Variants in ABCB4 observed in about 807,000 individuals in gnomAD.
ABCB4 encodes phosphatidylcholine translocator ABCB4.
In ABCB4, 76 loss-of-function variants were observed where a neutral mutation model predicts 145.7. That is an observed-to-expected ratio of 0.52 (90% CI 0.43 to 0.63). The LOEUF is 0.63. Among genes scored for constraint, ABCB4 ranks in the 30% least tolerant of loss-of-function variants. ABCB4 has a pLI of 0.00. For missense variants in ABCB4, 1,234 were observed against 1,553.1 expected (o/e 0.79, Z 3.45); for synonymous variants, 517 against 566.8 (o/e 0.91, Z 1.25).
rs763433951 is a variant in ABCB4, at chr7:87,462,768, G to A, written c.276C>T (p.Phe92=). The stretch of plus-strand genomic sequence containing the variant: ...TAAAGAAATGCTTACCTGGAAAGGA[G>A]AAGTTTCCTGCAGTATCAACAAATT... The part of the protein sequence containing the change: ...TDKFVDTAGN[F]SFPVNFSLSL... Residue 92 remains phenylalanine, a synonymous_variant, in exon 4 of 28, where the codon TTC becomes TTT. Coordinates refer to ENST00000649586, the MANE Select transcript of ABCB4 (RefSeq NM_000443.4). 2 of 1,613,960 alleles carry A rather than the reference G, an allele frequency of 1.2e-6. No individual in the cohort carries two copies. Among genetic ancestry groups the A allele is most frequent in the East Asian group, 4.5e-5 (2 of 44,862 alleles).
intron 3 of ABCB4, among the ~76,000 whole-genome samples, 200 bp downstream of exon 3, chr7:87,472,421 A>C (rs969299116): frequency 8.6e-5 from 13 of 152,040 alleles, no homozygotes; most frequent in Admixed American, 1.3e-4. Flanking sequence ...ATGAGATCTC[A>C]CTATGTTGTC....
intron 21 of ABCB4, among the ~76,000 whole-genome samples, chr7:87,416,844 A>G (rs1269452956): frequency 1.3e-5 from 2 of 152,260 alleles, no homozygotes; most frequent in African/African-American, 2.4e-5. Flanking sequence ...CCCAATTGCC[A>G]TTATAGTGAG....
intron 18 of ABCB4, among the ~76,000 whole-genome samples, chr7:87,420,998 C>T (rs766092192): frequency 2.0e-5 from 3 of 152,146 alleles, no homozygotes; most frequent in Non-Finnish European, 4.4e-5. Flanking sequence ...AAACAAGATC[C>T]AAATGAGTAT....
At chr7:87,382,689 G>C in the ABCB4 span, 1 of 743,194 alleles carries the variant, frequency 1.3e-6, no homozygotes, top group Non-Finnish European at 2.1e-6. Flanking sequence ...CATCAATAGA[G>C]TATTAGATTT....
rs748455557 is a variant in ABCB4 at position 87,462,794 on chromosome 7, T to C, written c.250A>G (p.Lys84Glu). 2 of 1,613,916 alleles carry C rather than the reference T, an allele frequency of 1.2e-6. No individual in the cohort carries two copies. The highest frequency in any genetic ancestry group is 1.7e-5 in the Admixed American group (1 of 59,992). Reference sequence around the variant, plus strand: ...AAGTTTCCTGCAGTATCAACAAATTTGTCAGTCATCTCTCCAAATACTATC... The same window carrying C: ...AAGTTTCCTGCAGTATCAACAAATTCGTCAGTCATCTCTCCAAATACTATC... ...MMIVFGEMTD[K>E]FVDTAGNFSF... The change falls in exon 4 of 28, where the codon AAA (lysine) becomes GAA (glutamate). Residue 84 changes from lysine (K) to glutamate (E), a missense_variant. This residue lies in a region of ABCB4 where 467 missense variants were observed against 632.8 expected (regional missense o/e 0.74). Transcript: ENST00000649586.
chr7:87,370,419 A>G, the ABCB4 span, among the ~76,000 whole-genome samples: 4 of 152,154 alleles, frequency 2.6e-5, no homozygotes, highest in Admixed American at 2.0e-4. Context: ...CTGGCCTTAA[A>G]TAATCCGCCT....
chr7:87,390,695 A>T, the ABCB4 span, among the ~76,000 whole-genome samples: 1 of 152,214 alleles, frequency 6.6e-6, no homozygotes, highest in Admixed American at 6.5e-5. Context: ...CCAGGAAAAC[A>T]GATATCACCC....
At chr7:87,369,403 T>C in the ABCB4 span, 15 of 1,612,684 alleles carry the variant, frequency 9.3e-6, no homozygotes, top group Non-Finnish European at 1.2e-5. Flanking sequence ...CCAAACCACA[T>C]TGTAGTGCTG....
Position 87,454,584 on chromosome 7 carries a change from A to G in ABCB4, c.295T>C (p.Ser99Pro). The G allele has an allele frequency of 6.2e-7, 1 of 1,609,930 alleles. No individual in the cohort carries two copies. Among genetic ancestry groups the G allele is most frequent in the Non-Finnish European group, 8.5e-7 (1 of 1,177,144 alleles). Residue 99 changes from serine to proline, a missense_variant, in exon 5 of 28, where the codon TCC (serine) becomes CCC (proline). Physicochemically the swap from Ser to Pro is moderately conservative, Grantham distance 74 (BLOSUM62 -1). Coordinates refer to ENST00000649586, the MANE Select transcript of ABCB4 (RefSeq NM_000443.4). ...AGNFSFPVNF[S>P]LSLLNPGKIL... is the part of the protein sequence containing the mutation. ...TTGCCTGGATTTAGCAGCGACAAGG[A>G]AAAGTTCACTAAATTAAAAAATAAA...
At chr7:87,371,933 G>A in the ABCB4 span, among the ~76,000 whole-genome samples, 195 of 149,496 alleles carry the variant, frequency 1.3e-3, 1 homozygote, top group Non-Finnish European at 7.5e-4. Flanking sequence ...GGTCGAGGCT[G>A]CAGTGAGCTG....
At chr7:87,398,404 A>C, downstream of ABCB4, 1 of 1,238,558 alleles carries the variant, frequency 8.1e-7, no homozygotes, top group South Asian at 1.2e-5. Context: ...CATTTACCTA[A>C]TGTCAGCAAG....
chr7:87,383,829 C>T, the ABCB4 span, among the ~76,000 whole-genome samples: 2 of 152,064 alleles, frequency 1.3e-5, no homozygotes, highest in Non-Finnish European at 2.9e-5. Flanking sequence ...CTGCTGGACA[C>T]TTAGGTTGAT....
intron 1 of ABCB4, 48 bp from the exon 2 acceptor site, chr7:87,475,519 C>T (rs1233450809): frequency 8.1e-6 from 13 of 1,598,732 alleles, no homozygotes; most frequent in Non-Finnish European, 1.1e-5. Flanking sequence ...TCTCCGGCGG[C>T]CCGGCGCACG....
chr7:87,445,031 C>T, intron 9 of ABCB4, 56 bp from the exon 10 acceptor site: 1 of 1,157,188 alleles, frequency 8.6e-7, no homozygotes, highest in Non-Finnish European at 1.3e-6. Context: ...TCATTATTAT[C>T]TAAAATGTGA....
Position 87,402,125 on chromosome 7 carries a change from T to G in ABCB4, c.3811A>C (p.Ser1271Arg), listed in dbSNP as rs768236469. The G allele has an allele frequency of 1.2e-6, 2 of 1,613,990 alleles. No individual in the cohort carries two copies. Among genetic ancestry groups the G allele is most frequent in the African/African-American group, 2.7e-5 (2 of 74,934 alleles). The change falls in exon 28 of 28, where the codon AGT (serine) becomes CGT (arginine). Residue 1271 changes from serine to arginine, a missense_variant. Around this residue, in one of 7 missense-constraint regions of ABCB4, gnomAD observed 58 missense variants for 75.9 expected, o/e 0.76. Transcript: ENST00000649586. ...AAGTTCTGTGTCCCAGCCTGGACAC[T>G]GACCATTGAAAAATAGATGCCTTTC... is the stretch of plus-strand genomic sequence containing the variant. ...AQKGIYFSMVSVQAGTQNL is the reference protein window; with the variant it reads ...AQKGIYFSMVRVQAGTQNL
intron 16 of ABCB4, among the ~76,000 whole-genome samples, chr7:87,425,632 C>CT (rs1199293214): frequency 1.3e-5 from 2 of 152,066 alleles, no homozygotes; most frequent in Admixed American, 6.5e-5. Flanking sequence ...ATAAGGAAAT[C>CT]TTTTTTTGGA....
the ABCB4 span, chr7:87,382,036 C>G: frequency 6.4e-7 from 1 of 1,570,236 alleles, no homozygotes; most frequent in African/African-American, 1.4e-5. Context: ...CCTAATAGTT[C>G]TATAGATAAA....
At chr7:87,426,724 CTTAAT>C (rs1809839370) in intron 16 of ABCB4, 21 bp downstream of exon 16, 1 of 1,607,296 alleles carries the variant, frequency 6.2e-7, no homozygotes. Context: ...AAGTAAAAGA[CTTAAT>C]TTAAGTGAAA....
chr7:87,472,085 C>A (rs752092974), intron 3 of ABCB4, among the ~76,000 whole-genome samples: 1 of 152,102 alleles, frequency 6.6e-6, no homozygotes, highest in Non-Finnish European at 1.5e-5. Context: ...TAGCTCTGTC[C>A]GGTGTCATCG....
Sources: gnomAD v4.1 joint callset for allele counts (sites outside exome capture counted in the v4.1 genomes callset) on GRCh38, gnomAD v4.1.1 for gene constraint, gnomAD v4.1.1 regional missense constraint, MANE v1.5 for transcripts, NCBI Gene and HGNC (gene_info 2026-07-23, HGNC 2026-07-21) for gene names.